MYO9A: variants seen among roughly 807,000 people sequenced by gnomAD.
The protein encoded by MYO9A is unconventional myosin-IXa.
In MYO9A, 103 loss-of-function variants were observed where a neutral mutation model predicts 293.3. The ratio of observed to expected loss-of-function variants is 0.35; its 90% CI spans 0.30 to 0.41. MYO9A has a LOEUF of 0.41. Among genes scored for constraint, MYO9A ranks in the 10% least tolerant of loss-of-function variants. The probability of loss-of-function intolerance (pLI) is 1.00; values close to 1 mark genes in which losing one functional copy is unlikely to be tolerated. For missense variants in MYO9A, 2,685 were observed against 3,033.0 expected (o/e 0.89, Z 2.69); for synonymous variants, 1,001 against 1,035.7 (o/e 0.97, Z 0.64).
chr15:71,905,932 C>T (rs945827700), intron 19 of MYO9A, among the ~76,000 whole-genome samples: 13 of 151,760 alleles, frequency 8.6e-5, no homozygotes, highest in East Asian at 5.8e-4. Flanking sequence ...TATAGTTTAT[C>T]GAGGTAGAAA....
At chr15:71,999,457 C>A (rs1481670319) in intron 9 of MYO9A, among the ~76,000 whole-genome samples, 1 of 151,926 alleles carries the variant, frequency 6.6e-6, no homozygotes, top group East Asian at 1.9e-4. Context: ...GCAGAAAGAA[C>A]TGCAAACAAG....
rs950830102 is a variant in MYO9A at position 71,824,382 on chromosome 15, C to A, written c.*2198G>T. Reference sequence around the variant, plus strand: ...ATTTAGAAGGAAGAACATGTGCCAACATATGTTCTTCTGGCCATTCCTCTG... The same window carrying A: ...ATTTAGAAGGAAGAACATGTGCCAAAATATGTTCTTCTGGCCATTCCTCTG... On this transcript the variant is annotated 3_prime_UTR_variant, in exon 42 of 42. Coordinates refer to ENST00000356056, the MANE Select transcript of MYO9A (RefSeq NM_006901.4). 3 of 152,190 alleles carry A rather than the reference C, an allele frequency of 2.0e-5. No homozygotes were observed. Among genetic ancestry groups the A allele is most frequent in the Non-Finnish European group, 4.4e-5 (3 of 68,028 alleles). 9.4% of individuals were successfully genotyped at this position (152,190 alleles called of 1,614,324 possible).
At chr15:71,949,886 T>G (rs1203487338) in intron 15 of MYO9A, among the ~76,000 whole-genome samples, 1 of 152,076 alleles carries the variant, frequency 6.6e-6, no homozygotes, top group Non-Finnish European at 1.5e-5. Flanking sequence ...CTATGCAAGT[T>G]AGGAAACCCC....
At chr15:72,067,560 C>T (rs1376634009) in intron 1 of MYO9A, among the ~76,000 whole-genome samples, 1 of 152,124 alleles carries the variant, frequency 6.6e-6, no homozygotes, top group Admixed American at 6.6e-5. Flanking sequence ...GGATTACAGG[C>T]GTGAGCCACC....
intron 8 of MYO9A, among the ~76,000 whole-genome samples, chr15:72,001,869 A>G (rs2076875988): frequency 6.6e-6 from 1 of 152,202 alleles, no homozygotes; most frequent in South Asian, 2.1e-4. Flanking sequence ...AAATACATTA[A>G]AGAACAAAAA....
At position 71,823,092 on chromosome 15, in the gene MYO9A, ACC is replaced by A. The variant is rs2054335720; in HGVS notation, c.*3486_*3487del. 1 of 152,136 alleles carries A rather than the reference ACC, an allele frequency of 6.6e-6. No homozygotes were observed. Among genetic ancestry groups the A allele is most frequent in the Non-Finnish European group, 1.5e-5 (1 of 68,058 alleles). 9.4% of individuals were successfully genotyped at this position (152,136 alleles called of 1,614,324 possible). On this transcript the variant is annotated 3_prime_UTR_variant, in exon 42 of 42. Coordinates refer to ENST00000356056, the MANE Select transcript of MYO9A (RefSeq NM_006901.4). ...ATGCATGCCCCGCATCCAGCTTCCC[ACC>A]AAGAAGAAAAAAGAGAGGAGGATGA...
At chr15:72,018,833 CA>C (rs910330904) in intron 6 of MYO9A, among the ~76,000 whole-genome samples, 25 of 151,844 alleles carry the variant, frequency 1.6e-4, no homozygotes, top group African/African-American at 5.6e-4. Context: ...GAAAATAGCC[CA>C]AAAAAAGTAA....
intron 32 of MYO9A, among the ~76,000 whole-genome samples, chr15:71,863,824 C>CT (rs1461156733): frequency 6.6e-6 from 1 of 152,112 alleles, no homozygotes; most frequent in Non-Finnish European, 1.5e-5. Context: ...CTCACACCCC[C>CT]TCACTCTTCC....
intron 3 of MYO9A, among the ~76,000 whole-genome samples, chr15:72,028,218 A>ATATATAGAT (rs1555408278): frequency 7.4e-6 from 1 of 134,256 alleles, no homozygotes; most frequent in Non-Finnish European, 1.6e-5. Context: ...TAAATAAATA[A>ATATATAGAT]ATATATATAT....
At chr15:72,101,711 G>A (rs1326633847) in intron 1 of MYO9A, among the ~76,000 whole-genome samples, 2 of 136,374 alleles carry the variant, frequency 1.5e-5, no homozygotes, top group African/African-American at 2.8e-5. Context: ...CCCCCCGCCC[G>A]GCCAGCCGCC....
chr15:71,977,069 G>A (rs1271754688), intron 12 of MYO9A, among the ~76,000 whole-genome samples: 1 of 152,070 alleles, frequency 6.6e-6, no homozygotes, highest in Non-Finnish European at 1.5e-5. Context: ...ATACATTGTT[G>A]AGAATACTCT....
intron 30 of MYO9A, among the ~76,000 whole-genome samples, chr15:71,878,740 ATTTTTTT>A (rs200866619): frequency 1.8e-5 from 2 of 108,624 alleles, no homozygotes; most frequent in Non-Finnish European, 3.6e-5. Flanking sequence ...GAGATCTGGA[ATTTTTTT>A]TTTTTTTTTT....
chr15:71,931,780 T>C, intron 18 of MYO9A, among the ~76,000 whole-genome samples: 1 of 152,248 alleles, frequency 6.6e-6, no homozygotes, highest in East Asian at 1.9e-4. Flanking sequence ...TTACCCTCTG[T>C]GTTGTTTTCT....
At chr15:71,890,997 A>T (rs1347935616) in intron 26 of MYO9A, 1 of 152,220 alleles carries the variant, frequency 6.6e-6, no homozygotes, top group South Asian at 2.1e-4. Context: ...ATATCAGATA[A>T]TGTTAGAACG....
intron 28 of MYO9A, among the ~76,000 whole-genome samples, chr15:71,882,573 T>G (rs1472202042): frequency 6.6e-6 from 1 of 151,942 alleles, no homozygotes; most frequent in Admixed American, 6.6e-5. Flanking sequence ...AAGTTAGAGG[T>G]TACAGTGAGC....
At chr15:71,933,837 G>C (rs924826581) in intron 17 of MYO9A, 128 bp from the exon 18 acceptor site, 1 of 759,822 alleles carries the variant, frequency 1.3e-6, no homozygotes, top group African/African-American at 1.8e-5. Flanking sequence ...CAAGACTGTA[G>C]GTTCTTTATA....
chr15:71,868,066 CAG>C (rs1246334734), intron 32 of MYO9A, among the ~76,000 whole-genome samples: 1 of 152,188 alleles, frequency 6.6e-6, no homozygotes, highest in Non-Finnish European at 1.5e-5. Context: ...TGACGCTTCT[CAG>C]AGTCAGAGAC....
intron 30 of MYO9A, 28 bp from the exon 31 acceptor site, chr15:71,878,259 G>C: frequency 6.9e-7 from 1 of 1,448,246 alleles, no homozygotes; most frequent in Non-Finnish European, 9.2e-7. Context: ...AGAAATGTAT[G>C]GTTTTATAAA....
intron 19 of MYO9A, among the ~76,000 whole-genome samples, chr15:71,906,914 C>G (rs997967427): frequency 6.6e-6 from 1 of 150,552 alleles, no homozygotes; most frequent in Non-Finnish European, 1.5e-5. Context: ...CAGGCCCCAC[C>G]ACCACACCCG....
Sources: gnomAD v4.1 joint callset for allele counts (sites outside exome capture counted in the v4.1 genomes callset) on GRCh38, gnomAD v4.1.1 for gene constraint, MANE v1.5 for transcripts, NCBI Gene and HGNC (gene_info 2026-07-23, HGNC 2026-07-21) for gene names.